GFRA1: variants seen among roughly 807,000 people sequenced by gnomAD.
GFRA1 encodes the protein GDNF family receptor alpha-1.
Under a neutral mutation model 51.6 loss-of-function variants are expected in GFRA1, and 16 were observed. That is an observed-to-expected ratio of 0.31 (90% CI 0.21 to 0.47). The LOEUF (loss-of-function observed/expected upper bound fraction) is 0.47. GFRA1 is among the 20% of genes least tolerant of loss of function. GFRA1 has a pLI of 1.00. For missense variants in GFRA1, 530 were observed against 594.3 expected (o/e 0.89, Z 1.13); for synonymous variants, 270 against 241.3 (o/e 1.12, Z -1.10).
intron 5 of GFRA1, among the ~76,000 whole-genome samples, chr10:116,134,333 T>G (rs1156797910): frequency 6.6e-6 from 1 of 152,200 alleles, no homozygotes; most frequent in Non-Finnish European, 1.5e-5. Flanking sequence ...ATAGGCTCCC[T>G]CTAATGTGTT....
intron 9 of GFRA1, among the ~76,000 whole-genome samples, chr10:116,079,435 A>G (rs1249410201): frequency 6.6e-6 from 1 of 151,952 alleles, no homozygotes; most frequent in African/African-American, 2.4e-5. Context: ...CTTGCTACAG[A>G]AGGAGGAAGA....
At chr10:116,066,848 A>G (rs1281627004) in intron 9 of GFRA1, among the ~76,000 whole-genome samples, 13 of 152,188 alleles carry the variant, frequency 8.5e-5, no homozygotes, top group Admixed American at 8.5e-4. Flanking sequence ...CACTTGAATC[A>G]AGGAGGACCT....
At chr10:116,119,000 A>G (rs1957540540) in intron 6 of GFRA1, among the ~76,000 whole-genome samples, 3 of 152,136 alleles carry the variant, frequency 2.0e-5, no homozygotes, top group Non-Finnish European at 4.4e-5. Context: ...ATGAGAGAGA[A>G]GGCAGGTCAT....
intron 4 of GFRA1, among the ~76,000 whole-genome samples, chr10:116,218,612 G>A (rs1047164135): frequency 2.0e-5 from 3 of 152,110 alleles, no homozygotes; most frequent in Admixed American, 2.0e-4. Flanking sequence ...TGTCTCCAAA[G>A]CCAGACAGCT....
intron 6 of GFRA1, among the ~76,000 whole-genome samples, chr10:116,108,608 A>T (rs1565580875): frequency 1.3e-5 from 2 of 152,102 alleles, no homozygotes; most frequent in South Asian, 2.1e-4. Flanking sequence ...TTTCTAATAA[A>T]CTGACCCCTC....
intron 4 of GFRA1, among the ~76,000 whole-genome samples, chr10:116,259,892 G>A (rs1235774823): frequency 3.9e-5 from 6 of 152,158 alleles, no homozygotes; most frequent in Non-Finnish European, 8.8e-5. Context: ...TAGCATGGTG[G>A]GGGACCAGAA....
At chr10:116,273,824 A>C (rs1436986022), upstream of GFRA1, among the ~76,000 whole-genome samples, 1 of 151,938 alleles carries the variant, frequency 6.6e-6, no homozygotes, top group African/African-American at 2.4e-5. Context: ...GTGATTCAAG[A>C]CTTGGTGCTT....
At chr10:116,201,836 T>C (rs898889051) in intron 5 of GFRA1, among the ~76,000 whole-genome samples, 1 of 152,150 alleles carries the variant, frequency 6.6e-6, no homozygotes, top group South Asian at 2.1e-4. Context: ...CTCTGCCACC[T>C]ACTCCAAAGA....
At chr10:116,168,064 C>A (rs1226370508) in intron 5 of GFRA1, among the ~76,000 whole-genome samples, 1 of 151,778 alleles carries the variant, frequency 6.6e-6, no homozygotes, top group Non-Finnish European at 1.5e-5. Context: ...TCAATGCAAC[C>A]AAAAACCACT....
intron 5 of GFRA1, among the ~76,000 whole-genome samples, chr10:116,163,976 C>T (rs1284938092): frequency 6.6e-6 from 1 of 152,156 alleles, no homozygotes; most frequent in Non-Finnish European, 1.5e-5. Context: ...CATAAATGGT[C>T]CCATCGAACC....
intron 4 of GFRA1, among the ~76,000 whole-genome samples, chr10:116,268,235 A>T (rs1049247810): frequency 3.9e-5 from 6 of 152,248 alleles, no homozygotes; most frequent in Non-Finnish European, 1.5e-5. Flanking sequence ...TCTACCATTT[A>T]AGACTTTTGT....
Position 116,059,654 on chromosome 10 carries a change from T to C in GFRA1, c.*4744A>G, listed in dbSNP as rs913500547. 1.3e-5 allele frequency: 2 copies of C among 152,136 alleles called. No individual in the cohort carries two copies. The highest frequency in any genetic ancestry group is 2.9e-5 in the Non-Finnish European group (2 of 68,050). The allele number at this position is 152,136 out of a possible 1,614,324, so 9.4% of individuals were successfully genotyped here. A position where few individuals can be genotyped will look rare whatever the true frequency, so the allele number is the denominator to read the frequency against. ...CCCTCTGGGCTGGGTCTCAGAACAA[T>C]CAGAAGTGCAGGTGGCACATTCTGC... On this transcript the variant is annotated 3_prime_UTR_variant, in exon 11 of 11. Coordinates refer to ENST00000355422, the MANE Select transcript of GFRA1 (RefSeq NM_005264.8).
chr10:116,079,465 G>A (rs1207022418), intron 9 of GFRA1, among the ~76,000 whole-genome samples: 1 of 150,524 alleles, frequency 6.6e-6, no homozygotes, highest in African/African-American at 2.5e-5. Flanking sequence ...ATTCTCAAAA[G>A]CCCCCATTTT....
chr10:116,108,293 T>G lies in GFRA1; in HGVS notation c.771-11529A>C, dbSNP rs148371956. ...AGCTTAGCAAACAACTAGTTCCTAA[T>G]ATCTTCCTTCTTAGATAGGGCATTG... On this transcript the variant is annotated intron_variant, in intron 6 of 10. Transcript: ENST00000355422. Among the ~76,000 whole-genome samples, 212 of 152,312 alleles carry G rather than the reference T, an allele frequency of 1.4e-3. 1 individual carries two copies. Among genetic ancestry groups the G allele is most frequent in the African/African-American group, 5.0e-3 (209 of 41,572 alleles).
intron 5 of GFRA1, among the ~76,000 whole-genome samples, chr10:116,195,055 G>A (rs1043914404): frequency 1.3e-5 from 2 of 152,152 alleles, no homozygotes; most frequent in African/African-American, 4.8e-5. Context: ...AATGGGTGTG[G>A]CTGTGTTTCA....
intron 5 of GFRA1, among the ~76,000 whole-genome samples, chr10:116,134,996 C>T (rs1958262930): frequency 6.6e-6 from 1 of 152,208 alleles, no homozygotes; most frequent in South Asian, 2.1e-4. Flanking sequence ...CAACCTCCTC[C>T]ACCTTTTCCT....
intron 6 of GFRA1, among the ~76,000 whole-genome samples, chr10:116,103,457 C>T (rs1179124315): frequency 5.3e-5 from 8 of 152,194 alleles, no homozygotes; most frequent in African/African-American, 1.7e-4. Context: ...TAACTAAAGG[C>T]ATCAACTTTG....
intron 5 of GFRA1, among the ~76,000 whole-genome samples, chr10:116,191,435 G>A (rs1458370849): frequency 6.6e-5 from 10 of 152,162 alleles, no homozygotes; most frequent in Non-Finnish European, 1.0e-4. Context: ...TGAAATCAGA[G>A]TGACTTTTTT....
At chr10:116,127,470 G>C (rs1251698640) in intron 5 of GFRA1, among the ~76,000 whole-genome samples, 1 of 152,198 alleles carries the variant, frequency 6.6e-6, no homozygotes. Context: ...GTGTCTTCCT[G>C]TAACATCAGA....
Sources: gnomAD v4.1 joint callset for allele counts (sites outside exome capture counted in the v4.1 genomes callset) on GRCh38, gnomAD v4.1.1 for gene constraint, MANE v1.5 for transcripts, NCBI Gene and HGNC (gene_info 2026-07-23, HGNC 2026-07-21) for gene names.